Variants in OR1J2 observed in about 807,000 individuals in gnomAD.
OR1J2 encodes olfactory receptor 1J2.
For missense variants in OR1J2, 304 were observed against 246.1 expected (o/e 1.24, Z -1.57); for synonymous variants, 142 against 99.7 (o/e 1.42, Z -2.52).
At chr9:122,535,540 G>A in the OR1J2 span, among the ~76,000 whole-genome samples, 1 of 152,174 alleles carries the variant, frequency 6.6e-6, no homozygotes, top group Non-Finnish European at 1.5e-5. Context: ...AAGATTGAAA[G>A]GAGAAAGAGG....
At chr9:122,474,856 C>A in the OR1J2 span, among the ~76,000 whole-genome samples, 9 of 151,942 alleles carry the variant, frequency 5.9e-5, no homozygotes, top group Admixed American at 4.6e-4. Context: ...TACCAATGAA[C>A]TGATGACAAC....
chr9:122,489,886 T>G, the OR1J2 span, among the ~76,000 whole-genome samples: 1 of 152,142 alleles, frequency 6.6e-6, no homozygotes, highest in African/African-American at 2.4e-5. Flanking sequence ...AAAAACGCAA[T>G]TAATAAAAAC....
the OR1J2 span, among the ~76,000 whole-genome samples, chr9:122,575,345 A>G: frequency 2.6e-5 from 4 of 152,056 alleles, no homozygotes; most frequent in Non-Finnish European, 5.9e-5. Flanking sequence ...GGAGTTTATT[A>G]ATTATTGAGT....
chr9:122,483,305 A>G, the OR1J2 span, among the ~76,000 whole-genome samples: 1 of 152,200 alleles, frequency 6.6e-6, no homozygotes, highest in Non-Finnish European at 1.5e-5. Flanking sequence ...AAAAGGCCAC[A>G]TTATTATTTA....
the OR1J2 span, among the ~76,000 whole-genome samples, chr9:122,554,899 T>C: frequency 6.6e-6 from 1 of 152,200 alleles, no homozygotes; most frequent in South Asian, 2.1e-4. Context: ...CTCTGAATTC[T>C]TTCATAAAAT....
At chr9:122,481,496 C>CA in the OR1J2 span, among the ~76,000 whole-genome samples, 2 of 151,720 alleles carry the variant, frequency 1.3e-5, no homozygotes, top group African/African-American at 4.8e-5. Flanking sequence ...AAAGAAAAGA[C>CA]AAAAGCTCAA....
the OR1J2 span, among the ~76,000 whole-genome samples, chr9:122,530,089 G>A: frequency 6.6e-6 from 1 of 152,110 alleles, no homozygotes; most frequent in African/African-American, 2.4e-5. Flanking sequence ...TATTTAAGGG[G>A]GTTAAGGGAG....
At chr9:122,455,723 A>G in the OR1J2 span, among the ~76,000 whole-genome samples, 1 of 151,872 alleles carries the variant, frequency 6.6e-6, no homozygotes, top group African/African-American at 2.4e-5. Context: ...CGTTCACTTT[A>G]TTTTTTTCTT....
At chr9:122,557,507 T>A in the OR1J2 span, among the ~76,000 whole-genome samples, 2 of 152,110 alleles carry the variant, frequency 1.3e-5, no homozygotes, top group African/African-American at 4.8e-5. Flanking sequence ...ATCAACTAAA[T>A]TAATTGATTT....
the OR1J2 span, among the ~76,000 whole-genome samples, chr9:122,456,749 T>C: frequency 6.6e-6 from 1 of 152,086 alleles, no homozygotes; most frequent in South Asian, 2.1e-4. Flanking sequence ...TGTGGAGAAA[T>C]AGGAACACTT....
At chr9:122,499,895 G>A in the OR1J2 span, among the ~76,000 whole-genome samples, 1 of 152,230 alleles carries the variant, frequency 6.6e-6, no homozygotes, top group Non-Finnish European at 1.5e-5. Context: ...ACATAGATCA[G>A]TTTCAGGGCA....
the OR1J2 span, among the ~76,000 whole-genome samples, chr9:122,483,493 A>G: frequency 1.3e-5 from 2 of 152,230 alleles, no homozygotes; most frequent in African/African-American, 4.8e-5. Context: ...CATGCAAACT[A>G]TGCTCGTGTA....
At chr9:122,480,555 CT>C in the OR1J2 span, among the ~76,000 whole-genome samples, 63,021 of 144,246 alleles carry the variant, frequency 0.44, 14,135 homozygotes, top group African/African-American at 0.6. Context: ...CCAGGTATTT[CT>C]TTTTTTTTTT....
upstream of OR1J2, among the ~76,000 whole-genome samples, chr9:122,507,796 T>G (rs1828554639): frequency 6.6e-6 from 1 of 152,128 alleles, no homozygotes; most frequent in African/African-American, 2.4e-5. Context: ...CCTCTCTGGG[T>G]AGATTTGCAT....
chr9:122,564,566 C>G, the OR1J2 span, among the ~76,000 whole-genome samples: 2 of 152,166 alleles, frequency 1.3e-5, no homozygotes, highest in African/African-American at 2.4e-5. Flanking sequence ...CCCACCACAT[C>G]CCTGCTTAAC....
At chr9:122,532,420 G>C in the OR1J2 span, among the ~76,000 whole-genome samples, 1 of 152,046 alleles carries the variant, frequency 6.6e-6, no homozygotes, top group Non-Finnish European at 1.5e-5. Flanking sequence ...GTGAGAAACA[G>C]GGAAGAAGGA....
the OR1J2 span, among the ~76,000 whole-genome samples, chr9:122,538,171 T>C: frequency 0.77 from 111,611 of 144,862 alleles, 42,964 homozygotes; most frequent in East Asian, 1. Context: ...TGCCCCTGCC[T>C]GGTACAAGTT....
chr9:122,459,550 C>G, the OR1J2 span, among the ~76,000 whole-genome samples: 1 of 152,248 alleles, frequency 6.6e-6, no homozygotes, highest in Non-Finnish European at 1.5e-5. Context: ...GAATCTTTCC[C>G]TTTTTAACCA....
the OR1J2 span, among the ~76,000 whole-genome samples, chr9:122,560,658 A>G: frequency 2.6e-5 from 4 of 151,434 alleles, no homozygotes; most frequent in Non-Finnish European, 4.4e-5. Context: ...ATTGACCCCC[A>G]CTCTCTTCTG....
Sources: gnomAD v4.1 joint callset for allele counts (sites outside exome capture counted in the v4.1 genomes callset) on GRCh38, gnomAD v4.1.1 for gene constraint, MANE v1.5 for transcripts, NCBI Gene and HGNC (gene_info 2026-07-23, HGNC 2026-07-21) for gene names.